DNAAF9: variants seen among roughly 807,000 people sequenced by gnomAD.
DNAAF9 encodes the protein dynein axonemal assembly factor 9.
DNAAF9 carries 90 observed loss-of-function variants against 167.0 expected under a neutral mutation model. The ratio of observed to expected loss-of-function variants is 0.54; its 90% confidence interval spans 0.45 to 0.64. The LOEUF (loss-of-function observed/expected upper bound fraction) is 0.64. Among genes scored for constraint, DNAAF9 ranks in the 30% least tolerant of loss-of-function variants. DNAAF9 has a pLI of 0.00. For missense variants in DNAAF9, 1,315 were observed against 1,442.2 expected (o/e 0.91, Z 1.43); for synonymous variants, 491 against 508.8 (o/e 0.96, Z 0.47).
At chr20:3,336,259 T>TTTG (rs2069944257) in intron 10 of DNAAF9, among the ~76,000 whole-genome samples, 1 of 38,962 alleles carries the variant, frequency 2.6e-5, no homozygotes, top group Non-Finnish European at 6.8e-5. Flanking sequence ...TGCGTTTTTG[T>TTTG]TTTTTTTTTT....
intron 1 of DNAAF9, among the ~76,000 whole-genome samples, chr20:3,396,883 A>G (rs1022615488): frequency 2.0e-5 from 3 of 152,218 alleles, no homozygotes; most frequent in East Asian, 1.9e-4. Flanking sequence ...CATTTTAATA[A>G]TATCACTCTA....
intron 27 of DNAAF9, among the ~76,000 whole-genome samples, chr20:3,284,175 T>A (rs1003105447): frequency 3.3e-4 from 21 of 64,524 alleles, no homozygotes; most frequent in Non-Finnish European, 5.9e-5. Flanking sequence ...ACTAGAGTCT[T>A]TTTTTTTTTT....
intron 33 of DNAAF9, among the ~76,000 whole-genome samples, chr20:3,257,878 C>T (rs535543635): frequency 3.9e-5 from 6 of 152,148 alleles, no homozygotes; most frequent in Admixed American, 3.3e-4. Flanking sequence ...GGTGGGTGTC[C>T]GCCACCACAC....
chr20:3,339,493 C>T (rs1206092365), intron 10 of DNAAF9, among the ~76,000 whole-genome samples: 1 of 152,024 alleles, frequency 6.6e-6, no homozygotes, highest in Admixed American at 6.6e-5. Flanking sequence ...ACTTCAAATC[C>T]CTCTAGTATT....
rs10522445 is a variant in DNAAF9 at position 3,394,949 on chromosome 20, C to CTTTTTTTTTTTTTT, written c.84-12457_84-12444dup. 1.7e-3 allele frequency among the ~76,000 whole-genome samples: 171 copies of CTTTTTTTTTTTTTT among 102,090 alleles called. 25 individuals carry two copies. Among genetic ancestry groups the CTTTTTTTTTTTTTT allele is most frequent in the Middle Eastern group, 4.5e-3 (1 of 222 alleles). The allele number at this position is 102,090 out of a possible 152,430, so 67.0% of individuals were successfully genotyped here. A position where few individuals can be genotyped will look rare whatever the true frequency, so the allele number is the denominator to read the frequency against. ...GCTTTTACTGAACATTTTCTTTTTT[C>CTTTTTTTTTTTTTT]TTTTTTTTTTTTTTTTTTTTTTTTT... On this transcript the variant is annotated intron_variant, in intron 1 of 36. Transcript: ENST00000252032.
chr20:3,399,166 T>C lies in DNAAF9; in HGVS notation c.83+8309A>G, dbSNP rs997304479. Among the ~76,000 whole-genome samples the C allele has an allele frequency of 1.7e-4, 26 of 152,214 alleles. 1 individual carries two copies. Among genetic ancestry groups the C allele is most frequent in the Non-Finnish European group, 1.5e-5 (1 of 68,018 alleles). The stretch of plus-strand genomic sequence containing the variant: ...ACTTCATTCCACACAGCTACCTCCC[T>C]GGTAAAAATAAACAGTTGACTAATC... On this transcript the variant is annotated intron_variant, in intron 1 of 36. Transcript: ENST00000252032.
chr20:3,288,384 A>C (rs2068889571), intron 26 of DNAAF9, among the ~76,000 whole-genome samples: 1 of 152,222 alleles, frequency 6.6e-6, no homozygotes, highest in Admixed American at 6.5e-5. Context: ...CGGGAGGCAG[A>C]GGTTGCAGTG....
intron 7 of DNAAF9, among the ~76,000 whole-genome samples, chr20:3,352,996 A>G (rs2070354644): frequency 6.7e-6 from 1 of 149,536 alleles, no homozygotes; most frequent in Non-Finnish European, 1.5e-5. Flanking sequence ...TGCCCACTTT[A>G]CAGAAGAGAC....
intron 20 of DNAAF9, among the ~76,000 whole-genome samples, chr20:3,306,582 T>C (rs561730413): frequency 2.9e-4 from 44 of 152,298 alleles, no homozygotes; most frequent in South Asian, 1.7e-3. Context: ...CATTACTTGG[T>C]GGTGGAGCCA....
At chr20:3,312,690 C>T (rs1455678340) in intron 20 of DNAAF9, among the ~76,000 whole-genome samples, 1 of 152,134 alleles carries the variant, frequency 6.6e-6, no homozygotes, top group East Asian at 1.9e-4. Context: ...CTAAGAAGAG[C>T]CCTAATCATT....
chr20:3,284,011 T>C (rs1023446857), intron 27 of DNAAF9, among the ~76,000 whole-genome samples: 2 of 152,022 alleles, frequency 1.3e-5, no homozygotes, highest in Non-Finnish European at 2.9e-5. Context: ...ATCTGGGCAC[T>C]GCCTCAAGAG....
Position 3,287,616 on chromosome 20 carries a change from G to A in DNAAF9, c.2486+16C>T. 1 of 1,613,322 alleles carries A rather than the reference G, an allele frequency of 6.2e-7. No individual in the cohort carries two copies. The highest frequency in any genetic ancestry group is 1.3e-5 in the African/African-American group (1 of 75,044). On this transcript the variant is annotated intron_variant, in intron 27 of 36. Coordinates refer to ENST00000252032, the MANE Select transcript of DNAAF9 (RefSeq NM_001009984.3). Reference sequence around the variant, plus strand: ...CACCCTGATTCGACTGTTTCCAGGAGACTTCCAATGCTCACCCTTGTAACA... The same window carrying A: ...CACCCTGATTCGACTGTTTCCAGGAAACTTCCAATGCTCACCCTTGTAACA...
At chr20:3,293,318 A>AAAAAG (rs1399533856) in intron 25 of DNAAF9, among the ~76,000 whole-genome samples, 1 of 149,766 alleles carries the variant, frequency 6.7e-6, no homozygotes, top group Non-Finnish European at 1.5e-5. Flanking sequence ...AAAAAAAAAA[A>AAAAAG]AGAGACTTAT....
In DNAAF9 at chr20:3,381,459, G is replaced by T. The variant is rs1041113296; in HGVS notation, c.203C>A (p.Ala68Glu). 1.9e-6 allele frequency: 3 copies of T among 1,613,386 alleles called. No homozygotes were observed. The African/African-American group carries it at 4.0e-5, about 22-fold the overall frequency. The change falls in exon 3 of 37, where the codon GCA (alanine) becomes GAA (glutamate). Residue 68 changes from alanine (A) to glutamate (E), a missense_variant. By Grantham distance (107) the Ala-to-Glu change is moderately radical. Around this residue, in one of 2 missense-constraint regions of DNAAF9, gnomAD observed 981 missense variants for 1,012.5 expected, o/e 0.97. Transcript: ENST00000252032. ...SRYNEGCREL[A>E]NYLLFGLYNQ... ...GTACAAACCAAATAGAAGATAATTTGCCAGCTCTCTGCAGCCTTCATTGTA... is the reference window on the plus strand; with the variant it reads ...GTACAAACCAAATAGAAGATAATTTTCCAGCTCTCTGCAGCCTTCATTGTA...
chr20:3,352,446 T>C (rs975913809), intron 7 of DNAAF9, among the ~76,000 whole-genome samples: 6 of 152,182 alleles, frequency 3.9e-5, no homozygotes, highest in African/African-American at 1.2e-4. Flanking sequence ...ACTAACACTT[T>C]AACCACAGAC....
chr20:3,390,916 C>T (rs948195977), intron 1 of DNAAF9, among the ~76,000 whole-genome samples: 3 of 152,162 alleles, frequency 2.0e-5, no homozygotes, highest in African/African-American at 7.2e-5. Flanking sequence ...CCCAACCCAT[C>T]AGACAGTAGG....
chr20:3,267,504 C>T lies in DNAAF9; in HGVS notation c.2786+2923G>A, dbSNP rs117015645. Among the ~76,000 whole-genome samples, 201 of 152,076 alleles carry T rather than the reference C, an allele frequency of 1.3e-3. 1 individual carries two copies. Among genetic ancestry groups the T allele is most frequent in the Middle Eastern group, 3.4e-3 (1 of 294 alleles). ...GCAACTGTGGTATTACTATTCTGGT[C>T]CCTTTCAAAGGAAAATGGTAGGAAA... On this transcript the variant is annotated intron_variant, in intron 30 of 36. Transcript: ENST00000252032.
intron 29 of DNAAF9, among the ~76,000 whole-genome samples, chr20:3,271,680 G>A (rs1026867715): frequency 2.7e-5 from 4 of 149,070 alleles, no homozygotes; most frequent in Non-Finnish European, 5.9e-5. Context: ...GGAGTGCAAT[G>A]TTGCAATCTC....
chr20:3,292,999 T>C (rs929942067), intron 25 of DNAAF9, among the ~76,000 whole-genome samples: 2 of 151,750 alleles, frequency 1.3e-5, no homozygotes, highest in Non-Finnish European at 2.9e-5. Flanking sequence ...TGCAGGAGAA[T>C]TGCTTAAATC....
Sources: allele counts gnomAD v4.1 joint callset (sites outside exome capture counted in the v4.1 genomes callset), GRCh38; gene constraint gnomAD v4.1.1; regional missense constraint gnomAD v4.1.1; transcripts MANE v1.5; gene names NCBI Gene and HGNC (gene_info 2026-07-23, HGNC 2026-07-21).